Variants in P2RX3 observed in about 807,000 individuals in gnomAD.
P2RX3 encodes the protein purinergic receptor P2X 3.
In P2RX3, 41 loss-of-function variants were observed where a neutral mutation model predicts 51.5. The observed-to-expected ratio is 0.80, with a 90% confidence interval of 0.62 to 1.03. P2RX3 has a LOEUF of 1.03. Among genes scored for constraint, P2RX3 ranks in the 50% least tolerant of loss-of-function variants. The pLI, the probability that P2RX3 is intolerant of heterozygous loss-of-function variation, is 0.00. For synonymous variants in P2RX3, 185 were observed against 191.6 expected (o/e 0.97, Z 0.29); for missense variants, 459 against 522.1 (o/e 0.88, Z 1.18).
At chr11:57,342,832 C>T (rs1856366491) in intron 1 of P2RX3, among the ~76,000 whole-genome samples, 1 of 152,008 alleles carries the variant, frequency 6.6e-6, no homozygotes, top group African/African-American at 2.4e-5. Flanking sequence ...TCCTCCCACA[C>T]ACACAGCGTG....
intron 1 of P2RX3, among the ~76,000 whole-genome samples, chr11:57,342,446 A>C (rs1856358447): frequency 6.6e-6 from 1 of 152,000 alleles, no homozygotes; most frequent in Non-Finnish European, 1.5e-5. Context: ...AACATGAGTC[A>C]CCATGCCTGG....
chr11:57,349,758 G>A lies in P2RX3; in HGVS notation c.565G>A (p.Gly189Arg), dbSNP rs2134420724. 1 of 1,614,088 alleles carries A rather than the reference G, an allele frequency of 6.2e-7. No individual in the cohort carries two copies. The highest frequency in any genetic ancestry group is 2.2e-5 in the East Asian group (1 of 44,864). ...IRFPLFNFEKGNLLPNLTARD... is the reference protein window; with the variant it reads ...IRFPLFNFEKRNLLPNLTARD... ...ACCTCTCTCTCTGCTCCTCCCCAGG[G>A]GAAACCTCCTTCCCAACCTGACAGC... Residue 189 changes from glycine to arginine, a missense_variant and splice_region_variant, in exon 7 of 12, where the codon GGA becomes AGA. Physicochemically the swap from Gly to Arg is moderately radical, Grantham distance 125. Transcript: ENST00000263314.
Position 57,369,918 on chromosome 11 carries a change from C to G in P2RX3, c.1115C>G (p.Thr372Ser). The G allele has an allele frequency of 6.2e-7, 1 of 1,614,066 alleles. No homozygotes were observed. Among genetic ancestry groups the G allele is most frequent in the Non-Finnish European group, 8.5e-7 (1 of 1,179,968 alleles). Reference sequence around the variant, plus strand: ...ACTACGCTGAAAATCGCGGCTTTGACCAACCCAGTGTACCCCAGCGACCAG... The same window carrying G: ...ACTACGCTGAAAATCGCGGCTTTGAGCAACCCAGTGTACCCCAGCGACCAG... ...NETTLKIAAL[T>S]NPVYPSDQTT... is the part of the protein sequence containing the mutation. The change falls in exon 12 of 12, where the codon ACC becomes AGC. Residue 372 changes from threonine to serine, a missense_variant. Transcript: ENST00000263314.
In P2RX3 at chr11:57,346,559, C is replaced by T. The variant is rs748533273; in HGVS notation, c.135C>T (p.His45=). ...ISYFVGWVFL[H]EKAYQVRDTA... ...CCTGCCCCAGGTGGGTTTTCTTGCA[C>T]GAGAAGGCTTACCAGGTACGGGACA... The change falls in exon 2 of 12, where the codon CAC becomes CAT. Residue 45 remains histidine, a synonymous_variant. Transcript: ENST00000263314. The T allele has an allele frequency of 5.0e-6, 8 of 1,613,962 alleles. No homozygotes were observed. Among genetic ancestry groups the T allele is most frequent in the Admixed American group, 1.7e-5 (1 of 59,994 alleles).
chr11:57,371,250 CCAGGGCAG>C lies in P2RX3; in HGVS notation c.*1254_*1261del, dbSNP rs1856881510. On this transcript the variant is annotated 3_prime_UTR_variant, in exon 12 of 12. Transcript: ENST00000263314. ...TACAGTGAGAGGCCCAGAAATTGCCCCAGGGCAGGGCTCTGGGGCAGAACCAGGTTTTG... is the reference window on the plus strand; with the variant it reads ...TACAGTGAGAGGCCCAGAAATTGCCCGGCTCTGGGGCAGAACCAGGTTTTG... Among the ~76,000 whole-genome samples, 1 of 152,190 alleles carries C rather than the reference CCAGGGCAG, an allele frequency of 6.6e-6. No individual in the cohort carries two copies. Among genetic ancestry groups the C allele is most frequent in the African/African-American group, 2.4e-5 (1 of 41,452 alleles).
At chr11:57,343,232 G>C (rs1367530902) in intron 1 of P2RX3, among the ~76,000 whole-genome samples, 2 of 152,220 alleles carry the variant, frequency 1.3e-5, no homozygotes, top group African/African-American at 2.4e-5. Flanking sequence ...ACCCCACTGG[G>C]CACAAGAAGG....
At chr11:57,356,186 T>C (rs1856627418) in intron 8 of P2RX3, among the ~76,000 whole-genome samples, 1 of 152,196 alleles carries the variant, frequency 6.6e-6, no homozygotes, top group Admixed American at 6.5e-5. Flanking sequence ...TGCCTGAGAT[T>C]ATACAGCCTA....
intron 8 of P2RX3, among the ~76,000 whole-genome samples, chr11:57,367,124 A>G (rs775208371): frequency 1.3e-5 from 2 of 152,176 alleles, no homozygotes; most frequent in Admixed American, 6.5e-5. Flanking sequence ...TGAGTGCTTA[A>G]TGTATTCCAG....
chr11:57,363,414 G>A (rs1344628995), intron 8 of P2RX3, among the ~76,000 whole-genome samples: 1 of 152,094 alleles, frequency 6.6e-6, no homozygotes, highest in Non-Finnish European at 1.5e-5. Context: ...TGGGGGTGGG[G>A]AGCGCCATGC....
chr11:57,348,105 G>A (rs1221105134), intron 4 of P2RX3, 65 bp from the exon 5 acceptor site: 13 of 1,389,442 alleles, frequency 9.4e-6, no homozygotes, highest in Admixed American at 8.6e-5. Flanking sequence ...AAGGGAAGAG[G>A]GAGGAAGGAA....
At chr11:57,350,630 C>A in intron 7 of P2RX3, 132 bp from the exon 8 acceptor site, 1 of 1,267,822 alleles carries the variant, frequency 7.9e-7, no homozygotes, top group Non-Finnish European at 1.1e-6. Flanking sequence ...ACTTTCCGTT[C>A]TCCCTGCCTC....
At chr11:57,341,322 C>T (rs2134405763) in intron 1 of P2RX3, among the ~76,000 whole-genome samples, 1 of 152,290 alleles carries the variant, frequency 6.6e-6, no homozygotes, top group East Asian at 1.9e-4. Context: ...ATACTTCAAT[C>T]TCTTCCCCAT....
intron 8 of P2RX3, among the ~76,000 whole-genome samples, chr11:57,353,838 C>G (rs77743058): frequency 3.2e-4 from 1 of 3,098 alleles, no homozygotes; most frequent in Non-Finnish European, 5.9e-3. Flanking sequence ...AAATGTCACT[C>G]CCCCCCCCCC....
chr11:57,350,210 G>T, intron 7 of P2RX3: 1 of 381,042 alleles, frequency 2.6e-6, no homozygotes, highest in Non-Finnish European at 4.8e-6. Flanking sequence ...TAGACCTGTG[G>T]CCACTTTCTC....
chr11:57,359,337 G>T (rs1019496827), intron 8 of P2RX3, among the ~76,000 whole-genome samples: 1 of 152,192 alleles, frequency 6.6e-6, no homozygotes, highest in African/African-American at 2.4e-5. Context: ...GGAAGCCAGG[G>T]AATGTGGGCT....
intron 1 of P2RX3, among the ~76,000 whole-genome samples, chr11:57,339,775 T>A (rs1856304567): frequency 6.6e-6 from 1 of 152,338 alleles, no homozygotes; most frequent in Non-Finnish European, 1.5e-5. Flanking sequence ...AGGAGAATCC[T>A]GTGTGCCTGT....
At chr11:57,359,941 T>A (rs1019589248) in intron 8 of P2RX3, among the ~76,000 whole-genome samples, 1 of 152,292 alleles carries the variant, frequency 6.6e-6, no homozygotes, top group African/African-American at 2.4e-5. Context: ...TTTAATCCTC[T>A]AGGCAACCCT....
intron 7 of P2RX3, 55 bp downstream of exon 7, chr11:57,349,953 C>G: frequency 6.2e-7 from 1 of 1,606,386 alleles, no homozygotes; most frequent in African/African-American, 1.3e-5. Context: ...CAGCCCTTTC[C>G]CAGATTTCAG....
At chr11:57,356,054 C>T (rs941938576) in intron 8 of P2RX3, among the ~76,000 whole-genome samples, 15 of 152,184 alleles carry the variant, frequency 9.9e-5, no homozygotes, top group African/African-American at 3.4e-4. Flanking sequence ...AAGCCTATCC[C>T]TGCACCTCAG....
Sources: gnomAD v4.1 joint callset for allele counts (sites outside exome capture counted in the v4.1 genomes callset) on GRCh38, gnomAD v4.1.1 for gene constraint, MANE v1.5 for transcripts, NCBI Gene and HGNC (gene_info 2026-07-23, HGNC 2026-07-21) for gene names.